ZNF10: variants seen among roughly 807,000 people sequenced by gnomAD.
ZNF10 encodes the protein zinc finger protein 10.
A neutral mutation model predicts 12.2 loss-of-function variants in ZNF10; 8 were observed. The observed-to-expected ratio is 0.66, with a 90% CI of 0.39 to 1.18. The LOEUF is 1.18. Ranked by LOEUF, ZNF10 falls within the 50% of genes most tolerant of loss-of-function variation. ZNF10 has a pLI of 0.01. For missense variants in ZNF10, 603 were observed against 678.9 expected, an observed-to-expected ratio of 0.89 and a Z score of 1.24; for synonymous variants, 229 against 228.2, an observed-to-expected ratio of 1.00 and a Z score of -0.03.
chr12:133,132,233 TTA>T (rs1955883856), intron 1 of ZNF10, among the ~76,000 whole-genome samples: 2 of 152,150 alleles, frequency 1.3e-5, no homozygotes, highest in African/African-American at 4.8e-5. Context: ...ACAGTTCTGT[TTA>T]TAGATTATAT....
chr12:133,130,920 C>T (rs1259555616), intron 1 of ZNF10, 166 bp downstream of exon 1: 1 of 152,230 alleles, frequency 6.6e-6, no homozygotes, highest in Non-Finnish European at 1.5e-5. Context: ...CACTTTCTGT[C>T]CCTCGCGCGG....
At chr12:133,139,586 G>C (rs74911598) in intron 1 of ZNF10, among the ~76,000 whole-genome samples, 1 of 152,152 alleles carries the variant, frequency 6.6e-6, no homozygotes. Flanking sequence ...ACACTCATTG[G>C]AGTGAGAGAG....
At chr12:133,133,368 C>T (rs1955891565) in intron 1 of ZNF10, among the ~76,000 whole-genome samples, 1 of 152,156 alleles carries the variant, frequency 6.6e-6, no homozygotes, top group South Asian at 2.1e-4. Context: ...TTGTACCTGT[C>T]AATGTGAGTG....
intron 2 of ZNF10, 190 bp from the exon 3 acceptor site, chr12:133,150,838 T>C: frequency 2.1e-6 from 1 of 482,024 alleles, no homozygotes; most frequent in Non-Finnish European, 3.4e-6. Flanking sequence ...TTTCAGACAG[T>C]AGGTACCTAA....
At chr12:133,139,517 A>G (rs1262406396) in intron 1 of ZNF10, among the ~76,000 whole-genome samples, 1 of 152,170 alleles carries the variant, frequency 6.6e-6, no homozygotes, top group Non-Finnish European at 1.5e-5. Context: ...GGGAGACCAA[A>G]AGGGAATTTT....
Position 133,156,073 on chromosome 12 carries a change from G to A in ZNF10, c.827G>A (p.Trp276Ter). The change falls in exon 5 of 5, where the codon TGG (tryptophan) becomes TAG (stop). Residue 276 changes from tryptophan to a stop codon, truncating the protein, a stop_gained. Transcript: ENST00000248211. LOFTEE classifies it low-confidence loss of function (END_TRUNC). ...ECKECGKFFS[W>*]RSNLTRHQLI... The stretch of plus-strand genomic sequence containing the variant: ...AAGGAATGTGGAAAATTCTTCAGCT[G>A]GCGCTCTAATCTTACTAGGCATCAG... 6.2e-7 allele frequency: 1 copy of A among 1,613,314 alleles called. No individual in the cohort carries two copies. Among genetic ancestry groups the A allele is most frequent in the Non-Finnish European group, 8.5e-7 (1 of 1,179,944 alleles).
At chr12:133,145,896 G>A (rs1219009202) in intron 2 of ZNF10, among the ~76,000 whole-genome samples, 3 of 149,950 alleles carry the variant, frequency 2.0e-5, no homozygotes, top group Admixed American at 6.7e-5. Context: ...TTTCAAATCC[G>A]GTTCTTGGCT....
At position 133,156,024 on chromosome 12, in the gene ZNF10, C is replaced by T; in HGVS notation, c.778C>T (p.His260Tyr). The change falls in exon 5 of 5, where the codon CAT (histidine) becomes TAT (tyrosine). Residue 260 changes from histidine (H) to tyrosine (Y), a missense_variant. His to Tyr is a moderately conservative substitution (Grantham distance 83). Transcript: ENST00000248211. ...GSSLGISKGI[H>Y]REKPYECKEC... ...ATCTCTTGGTATATCAAAGGGCATA[C>T]ATAGAGAGAAACCCTATGAATGTAA... is the stretch of plus-strand genomic sequence containing the variant. 8.1e-6 allele frequency: 13 copies of T among 1,613,784 alleles called. No individual in the cohort carries two copies. The highest frequency in any genetic ancestry group is 1.1e-5 in the Non-Finnish European group (13 of 1,180,022).
At chr12:133,155,035 G>A (rs1008245644) in intron 4 of ZNF10, among the ~76,000 whole-genome samples, 3 of 151,188 alleles carry the variant, frequency 2.0e-5, no homozygotes, top group Non-Finnish European at 4.4e-5. Flanking sequence ...CCAAGATTGT[G>A]TCATTGCACT....
Position 133,157,615 on chromosome 12 carries a change from G to A in ZNF10, c.*647G>A, listed in dbSNP as rs1314730918. 1 of 152,216 alleles carries A rather than the reference G, an allele frequency of 6.6e-6. No homozygotes were observed. The highest frequency in any genetic ancestry group is 2.4e-5 in the African/African-American group (1 of 41,456). The allele number at this position is 152,216 out of a possible 1,614,324, so 9.4% of individuals were successfully genotyped here. On this transcript the variant is annotated 3_prime_UTR_variant, in exon 5 of 5. Coordinates refer to ENST00000248211, the MANE Select transcript of ZNF10 (RefSeq NM_015394.5). ...ATAATTGAACAGAATTGATTTGTTA[G>A]ATAAGGAGATTTTGACTGAGTTTTA... is the stretch of plus-strand genomic sequence containing the variant.
At chr12:133,131,333 G>GAT (rs1288083578) in intron 1 of ZNF10, among the ~76,000 whole-genome samples, 1 of 50,664 alleles carries the variant, frequency 2.0e-5, no homozygotes, top group Admixed American at 1.4e-4. Flanking sequence ...CTTGACACTA[G>GAT]ATATATATAC....
In ZNF10 at chr12:133,154,119, C is replaced by T. The variant is rs10870586; in HGVS notation, c.257-1384C>T. Among the ~76,000 whole-genome samples, 20 of 149,282 alleles carry T rather than the reference C, an allele frequency of 1.3e-4. No homozygotes were observed. In the South Asian group the frequency reaches 2.1e-3, roughly 16 times the overall value. On this transcript the variant is annotated intron_variant, in intron 4 of 4. Coordinates refer to ENST00000248211, the MANE Select transcript of ZNF10 (RefSeq NM_015394.5). ...AAACTTCAACATACCTTTTTGTCGG[C>T]GGGGGGGATACAGTTTAACCCATAA...
At chr12:133,135,353 T>C (rs1364642148) in intron 1 of ZNF10, among the ~76,000 whole-genome samples, 1 of 152,144 alleles carries the variant, frequency 6.6e-6, no homozygotes, top group South Asian at 2.1e-4. Flanking sequence ...CAATGCTCCC[T>C]GAATACCAAG....
intron 1 of ZNF10, among the ~76,000 whole-genome samples, chr12:133,137,589 A>G (rs147342100): frequency 1.3e-5 from 2 of 152,160 alleles, no homozygotes; most frequent in African/African-American, 2.4e-5. Context: ...ACCACCTTCT[A>G]TGCTCCTGTG....
intron 1 of ZNF10, among the ~76,000 whole-genome samples, chr12:133,138,944 T>C (rs1325722572): frequency 6.6e-6 from 1 of 152,236 alleles, no homozygotes; most frequent in African/African-American, 2.4e-5. Context: ...TGTGATAACA[T>C]CCATACAAAG....
At chr12:133,149,047 C>T (rs867507764) in intron 2 of ZNF10, among the ~76,000 whole-genome samples, 30 of 151,824 alleles carry the variant, frequency 2.0e-4, no homozygotes, top group Non-Finnish European at 2.2e-4. Flanking sequence ...CCACCGTGCC[C>T]GGCCCAGTGT....
intron 2 of ZNF10, 23 bp from the exon 3 acceptor site, chr12:133,151,005 T>C (rs892890305): frequency 1.9e-6 from 3 of 1,608,878 alleles, no homozygotes; most frequent in Admixed American, 3.4e-5. Context: ...TCTGGTGCAA[T>C]GCAAATGTGT....
chr12:133,145,838 A>G (rs182773258), intron 2 of ZNF10, among the ~76,000 whole-genome samples: 110 of 148,472 alleles, frequency 7.4e-4, no homozygotes, highest in African/African-American at 2.6e-3. Context: ...AAAAAACAAA[A>G]AAAACACAAA....
intron 2 of ZNF10, among the ~76,000 whole-genome samples, chr12:133,145,388 T>C (rs1319933842): frequency 1.3e-5 from 2 of 152,220 alleles, no homozygotes; most frequent in African/African-American, 4.8e-5. Flanking sequence ...GCACTTCTCA[T>C]CTCTGTCTTC....
Sources: allele counts gnomAD v4.1 joint callset (sites outside exome capture counted in the v4.1 genomes callset), GRCh38; gene constraint gnomAD v4.1.1; transcripts MANE v1.5; gene names NCBI Gene and HGNC (gene_info 2026-07-23, HGNC 2026-07-21).